The following ITGA6 variants were observed in gnomAD, a reference collection of about 807,000 sequenced individuals.
ITGA6 encodes the protein integrin alpha-6.
ITGA6 carries 63 observed loss-of-function variants against 133.6 expected under a neutral mutation model. The ratio of observed to expected loss-of-function variants is 0.47; its 90% CI spans 0.38 to 0.58. ITGA6 has a LOEUF of 0.58. Among genes scored for constraint, ITGA6 ranks in the 20% least tolerant of loss-of-function variants. The pLI, the probability that ITGA6 is intolerant of heterozygous loss-of-function variation, is 0.00. For synonymous variants in ITGA6, 434 were observed against 482.0 expected, an observed-to-expected ratio of 0.90 and a Z score of 1.30; for missense variants, 1,068 against 1,309.4, an observed-to-expected ratio of 0.82 and a Z score of 2.85.
chr2:172,460,978 C>A (rs1322246818), intron 1 of ITGA6, among the ~76,000 whole-genome samples: 1 of 152,066 alleles, frequency 6.6e-6, no homozygotes, highest in Non-Finnish European at 1.5e-5. Flanking sequence ...TAAAAGTGTC[C>A]CAGTGTTTAG....
intron 1 of ITGA6, among the ~76,000 whole-genome samples, chr2:172,442,576 C>T (rs998130534): frequency 1.3e-5 from 2 of 152,308 alleles, no homozygotes; most frequent in African/African-American, 4.8e-5. Context: ...GCTCACTTGA[C>T]TGTGGGACTC....
chr2:172,465,713 T>C, intron 2 of ITGA6, 50 bp downstream of exon 2: 1 of 1,613,328 alleles, frequency 6.2e-7, no homozygotes, highest in South Asian at 1.1e-5. Flanking sequence ...TTGCCTGTAC[T>C]GTTTCCATGA....
rs1282678301 is a variant in ITGA6 at position 172,479,640 on chromosome 2, G to C, written c.1389-1G>C. 6.2e-7 allele frequency: 1 copy of C among 1,613,706 alleles called. No homozygotes were observed. The highest frequency in any genetic ancestry group is 2.2e-5 in the East Asian group (1 of 44,884). On this transcript the variant is annotated splice_acceptor_variant, in intron 9 of 25. Transcript: ENST00000684293. LOFTEE classifies it high-confidence loss of function. ...TTGTTTTTCACTCCTTTTGTCTTCA[G>C]ATCCCGGCCTGTGATTAATATTCAG... is the stretch of plus-strand genomic sequence containing the variant.
chr2:172,444,358 G>A (rs530429296), intron 1 of ITGA6, among the ~76,000 whole-genome samples: 3 of 152,304 alleles, frequency 2.0e-5, no homozygotes, highest in East Asian at 3.9e-4. Context: ...ACACAAAGAA[G>A]TATTAGTTGC....
rs993256170 is a variant in ITGA6, at chr2:172,489,376, T to G, written c.2506-109T>G. On this transcript the variant is annotated intron_variant, in intron 19 of 25. Transcript: ENST00000684293. ...CCATTTTTGGAGCCTGTGCTTTTATTATAGGATTACGTTAGATATTTTAGC... is the reference window on the plus strand; with the variant it reads ...CCATTTTTGGAGCCTGTGCTTTTATGATAGGATTACGTTAGATATTTTAGC... 1.9e-5 allele frequency: 16 copies of G among 848,596 alleles called. No individual in the cohort carries two copies. The African/African-American group carries it at 2.5e-4, about 13-fold the overall frequency. 52.6% of individuals were successfully genotyped at this position (848,596 alleles called of 1,614,324 possible).
chr2:172,497,717 T>A (rs909657269), intron 23 of ITGA6, among the ~76,000 whole-genome samples: 3 of 152,294 alleles, frequency 2.0e-5, no homozygotes, highest in South Asian at 2.1e-4. Context: ...AAATTTTTTT[T>A]AAGATACATT....
intron 1 of ITGA6, among the ~76,000 whole-genome samples, chr2:172,451,675 C>T (rs138010424): frequency 7.2e-5 from 11 of 152,154 alleles, no homozygotes; most frequent in East Asian, 1.9e-4. Flanking sequence ...AGGATGAGAG[C>T]GCAGCTAGAG....
At chr2:172,449,596 G>A (rs1684900610) in intron 1 of ITGA6, among the ~76,000 whole-genome samples, 1 of 152,144 alleles carries the variant, frequency 6.6e-6, no homozygotes, top group African/African-American at 2.4e-5. Flanking sequence ...GGTGAATGTA[G>A]GGGTGATTTA....
At chr2:172,479,928 T>A in intron 10 of ITGA6, 62 bp from the exon 11 acceptor site, 1 of 1,173,490 alleles carries the variant, frequency 8.5e-7, no homozygotes, top group Non-Finnish European at 1.3e-6. Context: ...CTAGGGAACA[T>A]GTTGGGTTTT....
At chr2:172,430,662 G>A (rs1300483899) in intron 1 of ITGA6, among the ~76,000 whole-genome samples, 1 of 152,184 alleles carries the variant, frequency 6.6e-6, no homozygotes, top group African/African-American at 2.4e-5. Context: ...GTGTCAGAGA[G>A]CCCCAAAACA....
intron 1 of ITGA6, among the ~76,000 whole-genome samples, chr2:172,453,913 C>T (rs953949536): frequency 1.3e-5 from 2 of 152,136 alleles, no homozygotes; most frequent in African/African-American, 4.8e-5. Flanking sequence ...AGGTGTGGCC[C>T]CTGCCCCCAT....
At chr2:172,441,559 TAAAAAAAAAAAA>T (rs57828626) in intron 1 of ITGA6, among the ~76,000 whole-genome samples, 3,092 of 48,862 alleles carry the variant, frequency 0.063, 138 homozygotes, top group African/African-American at 0.13. Flanking sequence ...GCTGTCTCTT[TAAAAAAAAAAAA>T]AAAAAAAAAA....
rs756871450 is a variant in ITGA6, at chr2:172,484,939, A to G, written c.1707A>G (p.Leu569=). 1.9e-6 allele frequency: 3 copies of G among 1,614,020 alleles called. No homozygotes were observed. Among genetic ancestry groups the G allele is most frequent in the South Asian group, 2.2e-5 (2 of 91,090 alleles). Residue 569 remains leucine, a synonymous_variant, in exon 12 of 26, where the codon CTA becomes CTG. Coordinates refer to ENST00000684293, the MANE Select transcript of ITGA6 (RefSeq NM_000210.4). ...QKVCMEETLW[L]QDNIRDKLRP... ...TGTGCATGGAGGAAACCCTGTGGCT[A>G]CAGGTGAGGGCTGCAGATGGTCACA...
At chr2:172,486,999 A>C (rs754534916) in intron 13 of ITGA6, 24 bp from the exon 14 acceptor site, 1 of 1,303,240 alleles carries the variant, frequency 7.7e-7, no homozygotes, top group Non-Finnish European at 1.1e-6. Context: ...GTGTAAATTG[A>C]CAATAGTTTT....
intron 1 of ITGA6, among the ~76,000 whole-genome samples, chr2:172,435,581 G>A (rs1430131530): frequency 6.7e-6 from 1 of 148,424 alleles, no homozygotes; most frequent in Non-Finnish European, 1.5e-5. Context: ...AAGGAATCCA[G>A]CTTTGCCACG....
chr2:172,477,988 T>A (rs1686251262), intron 9 of ITGA6, among the ~76,000 whole-genome samples: 1 of 152,242 alleles, frequency 6.6e-6, no homozygotes, highest in African/African-American at 2.4e-5. Flanking sequence ...GTTTTCATAA[T>A]TCATGTATAT....
intron 1 of ITGA6, among the ~76,000 whole-genome samples, chr2:172,444,504 A>G (rs960028933): frequency 1.1e-4 from 17 of 152,228 alleles, no homozygotes; most frequent in African/African-American, 4.1e-4. Flanking sequence ...CATGCAAGAG[A>G]AACATTCATT....
At chr2:172,485,535 A>G (rs1217582005) in intron 13 of ITGA6, among the ~76,000 whole-genome samples, 1 of 152,218 alleles carries the variant, frequency 6.6e-6, no homozygotes, top group Non-Finnish European at 1.5e-5. Context: ...TAGAGCTTAT[A>G]TTCTAACACT....
At position 172,505,192 on chromosome 2, in the gene ITGA6, A is replaced by AT. The variant is rs2149111260; in HGVS notation, c.*1130dup. ...AAGATGTTTATTTCAGGCATTGGAT[A>AT]TTTTTTACTTTAGAAGCCTGCATAA... On this transcript the variant is annotated 3_prime_UTR_variant, in exon 26 of 26. Coordinates refer to ENST00000684293, the MANE Select transcript of ITGA6 (RefSeq NM_000210.4). 1 of 152,664 alleles carries AT rather than the reference A, an allele frequency of 6.6e-6. No homozygotes were observed. Among genetic ancestry groups the AT allele is most frequent in the African/African-American group, 2.4e-5 (1 of 41,566 alleles). 9.5% of individuals were successfully genotyped at this position (152,664 alleles called of 1,614,324 possible).
Sources: allele counts gnomAD v4.1 joint callset (sites outside exome capture counted in the v4.1 genomes callset), GRCh38; gene constraint gnomAD v4.1.1; transcripts MANE v1.5; gene names NCBI Gene and HGNC (gene_info 2026-07-23, HGNC 2026-07-21).